NCAPG2: variants seen among roughly 807,000 people sequenced by gnomAD.
NCAPG2 encodes the protein non-SMC condensin II complex subunit G2, also known as condensin-2 complex subunit G2.
A neutral mutation model predicts 141.1 loss-of-function variants in NCAPG2; 53 were observed. The observed-to-expected ratio is 0.38, with a 90% CI of 0.30 to 0.47. The LOEUF (loss-of-function observed/expected upper bound fraction) is 0.47, where lower values mean the gene tolerates loss of function less well. Ranked by LOEUF, NCAPG2 falls within the 20% of genes least tolerant of loss-of-function variation. NCAPG2 has a pLI of 0.99. For synonymous variants in NCAPG2, 499 were observed against 490.7 expected (o/e 1.02, Z -0.22); for missense variants, 1,087 against 1,389.0 (o/e 0.78, Z 3.46).
At chr7:158,677,469 T>C (rs1338583283) in intron 11 of NCAPG2, among the ~76,000 whole-genome samples, 2 of 127,530 alleles carry the variant, frequency 1.6e-5, no homozygotes, top group African/African-American at 3.0e-5. Flanking sequence ...ATGGAAAAGA[T>C]GACCAGTCAT....
At chr7:158,690,390 AAAAT>A (rs530407688) in intron 5 of NCAPG2, among the ~76,000 whole-genome samples, 174 bp downstream of exon 5, 1 of 152,222 alleles carries the variant, frequency 6.6e-6, no homozygotes, top group Non-Finnish European at 1.5e-5. Context: ...AAGACGTTTA[AAAAT>A]AAAGTCCTAG....
At chr7:158,663,225 A>C (rs1027005127) in intron 15 of NCAPG2, among the ~76,000 whole-genome samples, 1 of 152,182 alleles carries the variant, frequency 6.6e-6, no homozygotes, top group Non-Finnish European at 1.5e-5. Flanking sequence ...GAGAGAAGAA[A>C]CTCAAACTCC....
intron 2 of NCAPG2, among the ~76,000 whole-genome samples, 156 bp from the exon 3 acceptor site, chr7:158,693,653 C>G (rs1835266568): frequency 6.6e-6 from 1 of 152,198 alleles, no homozygotes; most frequent in South Asian, 2.1e-4. Context: ...GGAAGAAGCA[C>G]AGGGATTCTC....
intron 13 of NCAPG2, among the ~76,000 whole-genome samples, chr7:158,669,566 C>A (rs1265988359): frequency 4.6e-5 from 7 of 151,724 alleles, no homozygotes; most frequent in Non-Finnish European, 8.8e-5. Flanking sequence ...AGTTCGAGAC[C>A]AGCCTGGCCA....
At chr7:158,647,731 T>C (rs1336192720) in intron 24 of NCAPG2, among the ~76,000 whole-genome samples, 1 of 152,180 alleles carries the variant, frequency 6.6e-6, no homozygotes, top group Non-Finnish European at 1.5e-5. Context: ...TCTCACTCTG[T>C]TGCCTAGGCT....
intron 24 of NCAPG2, 72 bp from the exon 25 acceptor site, chr7:158,646,635 G>T: frequency 3.8e-6 from 4 of 1,064,844 alleles, no homozygotes; most frequent in Non-Finnish European, 5.4e-6. Context: ...ATTGCTTTGG[G>T]TTTTCTTCAA....
intron 8 of NCAPG2, among the ~76,000 whole-genome samples, chr7:158,683,593 CT>C (rs1197294545): frequency 2.6e-5 from 4 of 152,154 alleles, no homozygotes; most frequent in Non-Finnish European, 5.9e-5. Context: ...AAGGAGAATG[CT>C]TTGCTTCTCT....
intron 27 of NCAPG2, among the ~76,000 whole-genome samples, chr7:158,635,293 A>C (rs1463493133): frequency 1.3e-5 from 2 of 152,246 alleles, no homozygotes; most frequent in African/African-American, 2.4e-5. Flanking sequence ...TTAAAGCAGA[A>C]TAAAATGAAT....
chr7:158,701,906 T>C lies in NCAPG2; in HGVS notation c.-7A>G. On this transcript the variant is annotated 5_prime_UTR_variant, in exon 2 of 28. Coordinates refer to ENST00000356309, the MANE Select transcript of NCAPG2 (RefSeq NM_017760.7). ...ACGTCTCACGTTTTTCCATGACAGA[T>C]GGCACTGTTCAAATGGCATTTATTT... 1 of 1,610,588 alleles carries C rather than the reference T, an allele frequency of 6.2e-7. No individual in the cohort carries two copies. The highest frequency in any genetic ancestry group is 8.5e-7 in the Non-Finnish European group (1 of 1,178,692).
intron 13 of NCAPG2, among the ~76,000 whole-genome samples, chr7:158,665,853 C>T (rs1832889299): frequency 6.6e-6 from 1 of 152,192 alleles, no homozygotes. Context: ...ACAAAATCTG[C>T]AGCATCTGAC....
chr7:158,656,733 T>C (rs1225770248), intron 17 of NCAPG2, 28 bp from the exon 18 acceptor site: 1 of 1,607,918 alleles, frequency 6.2e-7, no homozygotes, highest in Non-Finnish European at 8.5e-7. Context: ...AAAATCGGAC[T>C]GAGTATTTCA....
At chr7:158,685,854 A>C (rs1382830742) in intron 8 of NCAPG2, among the ~76,000 whole-genome samples, 1 of 152,178 alleles carries the variant, frequency 6.6e-6, no homozygotes, top group Non-Finnish European at 1.5e-5. Context: ...TTTCCATATG[A>C]AGTCTTTGAA....
chr7:158,659,025 TAA>T lies in NCAPG2; in HGVS notation c.1990-619_1990-618del, dbSNP rs55893307. 0.013 allele frequency among the ~76,000 whole-genome samples: 1,302 copies of T among 97,738 alleles called. 49 individuals carry two copies. The East Asian group carries it at 0.14, about 10-fold the overall frequency. 64.1% of individuals were successfully genotyped at this position (97,738 alleles called of 152,430 possible). A position where few individuals can be genotyped will look rare whatever the true frequency, so the allele number is the denominator to read the frequency against. The stretch of plus-strand genomic sequence containing the variant: ...AGCCTGGGCAACAGGGCATTATATT[TAA>T]AAAAAAAAAAAAAAAAAAAAGGCCA... On this transcript the variant is annotated intron_variant, in intron 16 of 27. Transcript: ENST00000356309.
In NCAPG2 at chr7:158,656,284, AAG is replaced by A; in HGVS notation, c.2362_2363del (p.Leu788PhefsTer5). On this transcript the variant is annotated frameshift_variant, in exon 19 of 28. Transcript: ENST00000356309. LOFTEE classifies it high-confidence loss of function. The part of the protein sequence containing the change: ...LSAPRKKLNH[L>X]LKALETSKAD... Reference sequence around the variant, plus strand: ...CCTTTGACGTTTCAAGGGCTTTCAAAAGATGGTTAAGTTTCTTCCGAGGAGCA... The same window carrying A: ...CCTTTGACGTTTCAAGGGCTTTCAAAATGGTTAAGTTTCTTCCGAGGAGCA... The A allele has an allele frequency of 6.2e-7, 1 of 1,614,192 alleles. No individual in the cohort carries two copies. The highest frequency in any genetic ancestry group is 1.1e-5 in the South Asian group (1 of 91,070).
At chr7:158,639,589 A>T (rs1830501847) in intron 27 of NCAPG2, among the ~76,000 whole-genome samples, 1 of 152,246 alleles carries the variant, frequency 6.6e-6, no homozygotes, top group Admixed American at 6.5e-5. Flanking sequence ...ACCAAAATTT[A>T]TTCAGGCAGT....
In NCAPG2 at chr7:158,686,158, A is replaced by G; in HGVS notation, c.837+14T>C. Reference sequence around the variant, plus strand: ...AATAAAAATAAGTGTTAACATTTAAAAAAATGAAAATACCTCCAGTATTTT... The same window carrying G: ...AATAAAAATAAGTGTTAACATTTAAGAAAATGAAAATACCTCCAGTATTTT... On this transcript the variant is annotated intron_variant, in intron 8 of 27. Transcript: ENST00000356309. 6.7e-7 allele frequency: 1 copy of G among 1,491,968 alleles called. No individual in the cohort carries two copies. The highest frequency in any genetic ancestry group is 9.1e-7 in the Non-Finnish European group (1 of 1,102,236). The allele number at this position is 1,491,968 out of a possible 1,614,324, so 92.4% of individuals were successfully genotyped here.
intron 8 of NCAPG2, among the ~76,000 whole-genome samples, chr7:158,683,828 A>G (rs528269803): frequency 6.6e-6 from 1 of 152,350 alleles, no homozygotes; most frequent in East Asian, 1.9e-4. Flanking sequence ...GAAACTGTAA[A>G]TAAGATATTT....
At chr7:158,660,970 T>C (rs1236150553) in intron 16 of NCAPG2, among the ~76,000 whole-genome samples, 1 of 152,206 alleles carries the variant, frequency 6.6e-6, no homozygotes, top group African/African-American at 2.4e-5. Flanking sequence ...GACGTGCCTT[T>C]TGCCTTCCGT....
intron 27 of NCAPG2, 121 bp downstream of exon 27, chr7:158,644,168 G>C (rs1390007472): frequency 4.2e-6 from 3 of 721,748 alleles, no homozygotes; most frequent in South Asian, 1.9e-5. Flanking sequence ...TCTCTCCTTA[G>C]AGTCCCCAGT....
Sources: gnomAD v4.1 joint callset for allele counts (sites outside exome capture counted in the v4.1 genomes callset) on GRCh38, gnomAD v4.1.1 for gene constraint, MANE v1.5 for transcripts, NCBI Gene and HGNC (gene_info 2026-07-23, HGNC 2026-07-21) for gene names.